ERG: variants seen among roughly 807,000 people sequenced by gnomAD.
The protein encoded by ERG is transcriptional regulator ERG.
ERG carries 9 observed loss-of-function variants against 55.3 expected under a neutral mutation model. That is an observed-to-expected ratio of 0.16 (90% CI 0.10 to 0.28). ERG has a LOEUF of 0.28. Ranked by LOEUF, ERG falls within the 10% of genes least tolerant of loss-of-function variation. ERG has a pLI of 1.00. For missense variants in ERG, 434 were observed against 631.6 expected (o/e 0.69, Z 3.35); for synonymous variants, 223 against 237.3 (o/e 0.94, Z 0.55).
rs771070184 is a variant in ERG at position 38,383,414 on chromosome 21, T to C, written c.1429A>G (p.Thr477Ala). ...CCTCCGCCAGGTCTTTAGTAGTAAG[T>C]GCCCAGATGAGAAGGCATATGGCTG... is the stretch of plus-strand genomic sequence containing the variant. Reference protein sequence around the residue: ...PTSHMPSHLGTYY With the variant: ...PTSHMPSHLGAYY Residue 477 changes from threonine (T) to alanine (A), a missense_variant, in exon 10 of 10, where the codon ACT becomes GCT. Transcript: ENST00000288319. The surrounding 1 kb of genome is among the most constrained non-coding windows in gnomAD (Gnocchi z 5.7). The C allele has an allele frequency of 2.7e-6, 4 of 1,502,472 alleles. No homozygotes were observed. Among genetic ancestry groups the C allele is most frequent in the Non-Finnish European group, 3.6e-6 (4 of 1,124,992 alleles). 93.1% of individuals were successfully genotyped at this position (1,502,472 alleles called of 1,614,324 possible).
At chr21:38,610,525 G>A (rs886858621) in intron 1 of ERG, among the ~76,000 whole-genome samples, 5 of 114,460 alleles carry the variant, frequency 4.4e-5, no homozygotes, top group Admixed American at 7.9e-5. Context: ...GCGCGCACGC[G>A]CGTGTGTGTG....
At chr21:38,657,760 C>T (rs1246054074) in intron 1 of ERG, among the ~76,000 whole-genome samples, 1 of 152,156 alleles carries the variant, frequency 6.6e-6, no homozygotes, top group Non-Finnish European at 1.5e-5. Flanking sequence ...ACTGACAATG[C>T]ATAATGGACA....
intron 1 of ERG, among the ~76,000 whole-genome samples, chr21:38,631,472 C>T (rs1347294766): frequency 1.3e-5 from 2 of 152,130 alleles, no homozygotes; most frequent in Non-Finnish European, 2.9e-5. Context: ...CATTCTGTTG[C>T]TGCTATATAT....
At chr21:38,513,228 CAA>C (rs1429896405) in intron 2 of ERG, among the ~76,000 whole-genome samples, 2 of 151,760 alleles carry the variant, frequency 1.3e-5, no homozygotes, top group East Asian at 1.9e-4. Context: ...TTCATTGAGA[CAA>C]GAGTATTTAT....
At chr21:38,404,156 CACA>C (rs952282470) in intron 3 of ERG, among the ~76,000 whole-genome samples, 4 of 151,780 alleles carry the variant, frequency 2.6e-5, no homozygotes, top group Admixed American at 1.3e-4. Context: ...AATTACAGAT[CACA>C]ACAACAACAA....
chr21:38,453,896 AAAG>A (rs1555901452), intron 1 of ERG, among the ~76,000 whole-genome samples: 2 of 151,692 alleles, frequency 1.3e-5, no homozygotes, highest in South Asian at 2.1e-4. Context: ...AAAAAAAAAA[AAAG>A]AAGAAGAAGA....
At chr21:38,611,451 T>A (rs1052086647) in intron 1 of ERG, among the ~76,000 whole-genome samples, 1 of 151,816 alleles carries the variant, frequency 6.6e-6, no homozygotes. Flanking sequence ...TCCTCCCCTC[T>A]CTCCATCTGG....
At chr21:38,491,369 C>T (rs2059334469) in intron 1 of ERG, among the ~76,000 whole-genome samples, 1 of 152,040 alleles carries the variant, frequency 6.6e-6, no homozygotes, top group African/African-American at 2.4e-5. Flanking sequence ...TGTATCAATA[C>T]TTGGTAAATT....
intron 2 of ERG, among the ~76,000 whole-genome samples, chr21:38,437,695 A>G (rs1284577996): frequency 6.6e-6 from 1 of 152,132 alleles, no homozygotes; most frequent in African/African-American, 2.4e-5. Flanking sequence ...GCCTTGGCCC[A>G]TCCTCGCTTC....
At chr21:38,587,664 A>T (rs2060074895), upstream of ERG, among the ~76,000 whole-genome samples, 1 of 152,214 alleles carries the variant, frequency 6.6e-6, no homozygotes, top group Non-Finnish European at 1.5e-5. Context: ...AGCTGTGCAA[A>T]TCTTGAGTTA....
chr21:38,429,402 T>G (rs1460394897), intron 2 of ERG, among the ~76,000 whole-genome samples: 1 of 139,154 alleles, frequency 7.2e-6, no homozygotes, highest in African/African-American at 2.6e-5. Context: ...CATATACACA[T>G]GTACATACGC....
At chr21:38,501,213 C>G (rs1365223147), upstream of ERG, among the ~76,000 whole-genome samples, 6 of 151,642 alleles carry the variant, frequency 4.0e-5, no homozygotes, top group African/African-American at 1.5e-4. Flanking sequence ...CTGCAGGCGC[C>G]CGCCACCACA....
At chr21:38,392,632 A>C (rs1988029120) in intron 6 of ERG, among the ~76,000 whole-genome samples, 188 bp from the exon 7 acceptor site, 3 of 152,198 alleles carry the variant, frequency 2.0e-5, no homozygotes, top group Non-Finnish European at 2.9e-5. Context: ...TAGTGGTCTA[A>C]AATTCTCACC....
intron 1 of ERG, among the ~76,000 whole-genome samples, chr21:38,497,665 A>C (rs1251923399): frequency 6.6e-6 from 1 of 152,170 alleles, no homozygotes; most frequent in Non-Finnish European, 1.5e-5. Context: ...CAAACACCCC[A>C]CAGCACAGAG....
At chr21:38,436,133 C>T (rs777144738) in intron 2 of ERG, among the ~76,000 whole-genome samples, 5 of 150,802 alleles carry the variant, frequency 3.3e-5, no homozygotes, top group African/African-American at 1.2e-4. Context: ...GCGATTCTCC[C>T]GCCTCAGCCT....
intron 1 of ERG, among the ~76,000 whole-genome samples, chr21:38,631,407 C>T (rs2836578): frequency 0.21 from 32,672 of 152,006 alleles, 4,003 homozygotes; most frequent in African/African-American, 0.33. Context: ...AACGCCCACA[C>T]GTCTCGTCTC....
chr21:38,606,269 C>T lies in ERG; in HGVS notation c.-149-21324G>A, dbSNP rs527839678. Among the ~76,000 whole-genome samples, 6 of 152,136 alleles carry T rather than the reference C, an allele frequency of 3.9e-5. No homozygotes were observed. The South Asian group carries it at 1.2e-3, about 32-fold the overall frequency. Reference sequence around the variant, plus strand: ...AGAAGATAGGTAGGTAGATAGGTGACTGATAGATGATTAGATGTATAGATA... The same window carrying T: ...AGAAGATAGGTAGGTAGATAGGTGATTGATAGATGATTAGATGTATAGATA... On this transcript the variant is annotated intron_variant, in intron 1 of 10. Coordinates refer to the ERG transcript ENST00000398910.
intron 1 of ERG, among the ~76,000 whole-genome samples, chr21:38,462,955 T>C (rs1376119960): frequency 6.6e-6 from 1 of 152,156 alleles, no homozygotes; most frequent in Non-Finnish European, 1.5e-5. Flanking sequence ...CCAAGCTAAC[T>C]GTGCTTTTCT....
At chr21:38,415,725 A>G (rs1989249453) in intron 3 of ERG, among the ~76,000 whole-genome samples, 1 of 152,106 alleles carries the variant, frequency 6.6e-6, no homozygotes, top group African/African-American at 2.4e-5. Context: ...CACCTCTCTC[A>G]GTCTTGGTTT....
Sources: gnomAD v4.1 joint callset for allele counts (sites outside exome capture counted in the v4.1 genomes callset) on GRCh38, gnomAD v4.1.1 for gene constraint, Gnocchi (gnomAD v3.1) non-coding constraint, MANE v1.5 for transcripts, NCBI Gene and HGNC (gene_info 2026-07-23, HGNC 2026-07-21) for gene names.